Variants in KDM4B observed in about 807,000 individuals in gnomAD.
KDM4B encodes the protein lysine demethylase 4B.
A neutral mutation model predicts 125.2 loss-of-function variants in KDM4B; 32 were observed. The ratio of observed to expected loss-of-function variants is 0.26; its 90% confidence interval spans 0.19 to 0.34. KDM4B has a LOEUF of 0.34. Ranked by LOEUF, KDM4B falls within the 10% of genes least tolerant of loss-of-function variation. KDM4B has a pLI of 1.00. For synonymous variants in KDM4B, 721 were observed against 677.9 expected (o/e 1.06, Z -0.99); for missense variants, 1,190 against 1,577.7 (o/e 0.75, Z 4.16).
rs561196648 is a variant in KDM4B at position 5,019,272 on chromosome 19, G to T, written c.-26+2933G>T. Among the ~76,000 whole-genome samples, 3 of 149,720 alleles carry T rather than the reference G, an allele frequency of 2.0e-5. No homozygotes were observed. In the East Asian group the frequency reaches 6.0e-4, roughly 30 times the overall value. ...TTGGTGTGCAGGTGTTGGTGTGGAT[G>T]TTGGTGTGGACATTGGTGTGCAGGT... On this transcript the variant is annotated intron_variant, in intron 2 of 22. Coordinates refer to ENST00000159111, the MANE Select transcript of KDM4B (RefSeq NM_015015.3).
At chr19:5,080,021 G>A (rs909745020) in intron 8 of KDM4B, among the ~76,000 whole-genome samples, 21 of 152,198 alleles carry the variant, frequency 1.4e-4, no homozygotes, top group African/African-American at 4.1e-4. Context: ...CCTGCACGGC[G>A]GGGGCCAGGC....
chr19:5,090,393 CCT>C (rs1199595406), intron 9 of KDM4B, among the ~76,000 whole-genome samples: 1 of 59,056 alleles, frequency 1.7e-5, no homozygotes, highest in Non-Finnish European at 3.4e-5. Flanking sequence ...TATCTCTCCC[CCT>C]CTCTCTCTCT....
intron 1 of KDM4B, among the ~76,000 whole-genome samples, chr19:4,992,132 A>G (rs1054664946): frequency 1.3e-5 from 2 of 152,186 alleles, no homozygotes; most frequent in African/African-American, 4.8e-5. Flanking sequence ...TTGACGGAAC[A>G]GCCCTGTATC....
chr19:5,014,426 G>A (rs2035827433), intron 1 of KDM4B, among the ~76,000 whole-genome samples: 2 of 152,078 alleles, frequency 1.3e-5, no homozygotes, highest in African/African-American at 4.8e-5. Context: ...GCAGGCGCCC[G>A]CCACCACGCC....
In KDM4B at chr19:5,152,100, G is replaced by C. The variant is rs2039957493; in HGVS notation, c.*589G>C. ...AGGGAAAGAGACCCGGTAATTGGAG[G>C]GTGAGCCTCGGGGGGGGGGCAGGAC... On this transcript the variant is annotated 3_prime_UTR_variant, in exon 23 of 23. Coordinates refer to ENST00000159111, the MANE Select transcript of KDM4B (RefSeq NM_015015.3). The C allele has an allele frequency of 7.8e-6, 1 of 128,854 alleles. No individual in the cohort carries two copies. The highest frequency in any genetic ancestry group is 3.3e-5 in the African/African-American group (1 of 30,542). 8.0% of individuals were successfully genotyped at this position (128,854 alleles called of 1,614,324 possible).
At chr19:5,131,776 C>G (rs1464159900) in intron 12 of KDM4B, 111 bp from the exon 13 acceptor site, 9 of 1,361,422 alleles carry the variant, frequency 6.6e-6, no homozygotes, top group Non-Finnish European at 9.3e-6. Context: ...GACAGTCACC[C>G]CAGGAGAGGA....
chr19:5,057,063 TGTGC>T (rs1442807218), intron 6 of KDM4B, among the ~76,000 whole-genome samples: 5,258 of 134,154 alleles, frequency 0.039, 273 homozygotes, highest in African/African-American at 0.14. Flanking sequence ...TGTGTGTGTG[TGTGC>T]GCGCGCGCGC....
intron 1 of KDM4B, among the ~76,000 whole-genome samples, chr19:4,985,945 T>G (rs1042083369): frequency 1.3e-5 from 2 of 152,194 alleles, no homozygotes; most frequent in African/African-American, 4.8e-5. Context: ...CGTCTCCCGG[T>G]TTTTCCCTCG....
At chr19:5,068,573 C>G (rs1272694682) in intron 6 of KDM4B, among the ~76,000 whole-genome samples, 1 of 152,248 alleles carries the variant, frequency 6.6e-6, no homozygotes, top group Non-Finnish European at 1.5e-5. Context: ...TTTTCTTCCG[C>G]CTGTGTCCTT....
At chr19:5,148,864 A>G (rs2039897040) in intron 21 of KDM4B, among the ~76,000 whole-genome samples, 1 of 152,140 alleles carries the variant, frequency 6.6e-6, no homozygotes, top group South Asian at 2.1e-4. Context: ...TCCTCTACAA[A>G]TGAGATGGGT....
rs561871725 is a variant in KDM4B, at chr19:5,142,914, C to T, written c.2551-1053C>T. ...CTGGGCCTGGCGTGGGTGTGGCGGC[C>T]GCCAGGGCCCCGGTGCTGGCTCGGG... On this transcript the variant is annotated intron_variant, in intron 18 of 22. Transcript: ENST00000159111. The surrounding 1 kb of genome is among the most constrained non-coding windows in gnomAD (Gnocchi z 5.4). Among the ~76,000 whole-genome samples, 116 of 152,088 alleles carry T rather than the reference C, an allele frequency of 7.6e-4. No individual in the cohort carries two copies. The highest frequency in any genetic ancestry group is 3.0e-3 in the Admixed American group (46 of 15,284).
chr19:5,135,677 C>A, intron 15 of KDM4B, 116 bp downstream of exon 15: 1 of 900,760 alleles, frequency 1.1e-6, no homozygotes, highest in Non-Finnish European at 1.6e-6. Context: ...TCTCCCCAGG[C>A]TGCACTTTCA....
intron 3 of KDM4B, among the ~76,000 whole-genome samples, chr19:5,037,345 G>A (rs779340163): frequency 3.3e-5 from 5 of 152,196 alleles, no homozygotes; most frequent in Non-Finnish European, 5.9e-5. Flanking sequence ...GTAACATCTC[G>A]TGTCTGGGAC....
At chr19:5,010,061 A>G (rs1051796067) in intron 1 of KDM4B, among the ~76,000 whole-genome samples, 4 of 152,178 alleles carry the variant, frequency 2.6e-5, no homozygotes, top group African/African-American at 9.7e-5. Context: ...GAATATCACT[A>G]GTTGTCCCAC....
At chr19:5,103,212 C>G (rs915579312) in intron 9 of KDM4B, among the ~76,000 whole-genome samples, 1 of 152,234 alleles carries the variant, frequency 6.6e-6, no homozygotes, top group South Asian at 2.1e-4. Flanking sequence ...CCCCTTCCCC[C>G]GCTCTCTGCA....
intron 1 of KDM4B, among the ~76,000 whole-genome samples, chr19:5,013,652 C>G (rs1215874638): frequency 1.3e-5 from 2 of 152,208 alleles, no homozygotes; most frequent in South Asian, 2.1e-4. Flanking sequence ...GTTTTCCAGG[C>G]CTTGACTCTC....
At chr19:5,007,495 A>G (rs776032212) in intron 1 of KDM4B, among the ~76,000 whole-genome samples, 41 of 150,520 alleles carry the variant, frequency 2.7e-4, no homozygotes, top group Non-Finnish European at 4.4e-4. Context: ...TGTTTTGCAA[A>G]TATATGTTCT....
chr19:5,088,762 C>T (rs2038593486), intron 9 of KDM4B, among the ~76,000 whole-genome samples: 1 of 151,458 alleles, frequency 6.6e-6, no homozygotes, highest in African/African-American at 2.4e-5. Flanking sequence ...GACGCCCCTG[C>T]CAGCTTCATC....
Position 5,084,572 on chromosome 19 carries a change from A to ATAAAT in KDM4B, c.918+2069_918+2070insAAATT, listed in dbSNP as rs1568285786. On this transcript the variant is annotated intron_variant, in intron 9 of 22. Transcript: ENST00000159111. Reference sequence around the variant, plus strand: ...ATAATATATAAATTATATAAATTATATGTATTATATATAAATATAAATTAT... The same window carrying ATAAAT: ...ATAATATATAAATTATATAAATTATATAAATTGTATTATATATAAATATAAATTAT... 1.6e-4 allele frequency among the ~76,000 whole-genome samples: 14 copies of ATAAAT among 90,028 alleles called. 1 individual carries two copies. In the East Asian group the frequency reaches 4.4e-3, roughly 28 times the overall value. 59.1% of individuals were successfully genotyped at this position (90,028 alleles called of 152,430 possible).
Sources: allele counts gnomAD v4.1 joint callset (sites outside exome capture counted in the v4.1 genomes callset), GRCh38; gene constraint gnomAD v4.1.1; non-coding constraint Gnocchi (gnomAD v3.1); transcripts MANE v1.5; gene names NCBI Gene and HGNC (gene_info 2026-07-23, HGNC 2026-07-21).